DRC9: variants seen among roughly 807,000 people sequenced by gnomAD.
The protein encoded by DRC9 is dynein regulatory complex subunit 9, also known as dynein regulatory complex protein 9.
chr3:197,904,081 TAC>T, the DRC9 span, among the ~76,000 whole-genome samples: 75,446 of 109,590 alleles, frequency 0.69, 25,266 homozygotes, highest in East Asian at 0.79. Flanking sequence ...CATATATATA[TAC>T]ATACATATAT....
At chr3:197,894,165 T>C in the DRC9 span, among the ~76,000 whole-genome samples, 2 of 152,356 alleles carry the variant, frequency 1.3e-5, no homozygotes, top group South Asian at 4.1e-4. Flanking sequence ...ACTTAAATTC[T>C]CTAAGCTTCT....
chr3:197,932,420 G>A, the DRC9 span: 1 of 661,206 alleles, frequency 1.5e-6, no homozygotes, highest in South Asian at 1.8e-5. Context: ...GGATCACGAG[G>A]TCAGGAGATC....
chr3:197,922,148 A>G, the DRC9 span, among the ~76,000 whole-genome samples: 1 of 152,200 alleles, frequency 6.6e-6, no homozygotes, highest in Non-Finnish European at 1.5e-5. Flanking sequence ...CCCACTACGA[A>G]GCAGAATCTT....
At chr3:197,925,990 C>T in the DRC9 span, 33 of 1,067,432 alleles carry the variant, frequency 3.1e-5, no homozygotes, top group East Asian at 7.1e-5. Context: ...TGTGTTAGCT[C>T]GGTCACTTTT....
chr3:197,954,606 T>G, the DRC9 span, among the ~76,000 whole-genome samples: 2 of 152,132 alleles, frequency 1.3e-5, no homozygotes, highest in African/African-American at 4.8e-5. Flanking sequence ...GCCTCCAAAG[T>G]TCATGTGATT....
At chr3:197,925,404 T>G in the DRC9 span, among the ~76,000 whole-genome samples, 5 of 61,068 alleles carry the variant, frequency 8.2e-5, no homozygotes, top group South Asian at 6.0e-4. Context: ...AGGGTGGGGG[T>G]GTTTGTGGGG....
chr3:197,951,204 G>T, the DRC9 span: 1 of 1,614,028 alleles, frequency 6.2e-7, no homozygotes, highest in African/African-American at 1.3e-5. Flanking sequence ...GGGGTCTCCG[G>T]AACCAAAGGG....
chr3:197,952,873 C>T, the DRC9 span, among the ~76,000 whole-genome samples: 4 of 151,362 alleles, frequency 2.6e-5, no homozygotes, highest in African/African-American at 9.7e-5. Flanking sequence ...TGCTCTGTTG[C>T]CCAGGCTGGA....
At chr3:197,934,181 G>GTTTTTTTTTTT in the DRC9 span, among the ~76,000 whole-genome samples, 17 of 82,634 alleles carry the variant, frequency 2.1e-4, no homozygotes, top group African/African-American at 1.1e-3. Context: ...TTCATTCTGG[G>GTTTTTTTTTTT]TCTTTTTTTT....
chr3:197,940,275 C>T, the DRC9 span, among the ~76,000 whole-genome samples: 643 of 150,546 alleles, frequency 4.3e-3, 9 homozygotes, highest in African/African-American at 0.015. Flanking sequence ...GGATGACAGG[C>T]GTGAGCCACC....
At chr3:197,936,883 T>C in the DRC9 span, among the ~76,000 whole-genome samples, 1 of 150,908 alleles carries the variant, frequency 6.6e-6, no homozygotes, top group East Asian at 1.9e-4. Context: ...TATAAGCAGG[T>C]TGCCTTTCTG....
chr3:197,956,430 CCA>C, the DRC9 span: 1 of 152,716 alleles, frequency 6.5e-6, no homozygotes, highest in Non-Finnish European at 1.5e-5. Context: ...CCATATTACT[CCA>C]CTCATAAAAA....
the DRC9 span, among the ~76,000 whole-genome samples, chr3:197,951,987 G>C: frequency 1.3e-5 from 2 of 152,172 alleles, no homozygotes; most frequent in Admixed American, 6.5e-5. Context: ...CGTTACTTCT[G>C]AGGGTGGTGT....
chr3:197,957,080 A>C, the DRC9 span: 1 of 152,232 alleles, frequency 6.6e-6, no homozygotes, highest in East Asian at 1.9e-4. Context: ...AGAGGGTGAA[A>C]GAAAGGATTG....
chr3:197,931,856 A>G, the DRC9 span, among the ~76,000 whole-genome samples: 1 of 151,860 alleles, frequency 6.6e-6, no homozygotes. Flanking sequence ...TGATCTCCTG[A>G]CCTCGTGATC....
the DRC9 span, among the ~76,000 whole-genome samples, chr3:197,902,530 TAAAAA>T: frequency 1.3e-5 from 2 of 151,792 alleles, no homozygotes; most frequent in African/African-American, 4.8e-5. Flanking sequence ...TTGAAATAAT[TAAAAA>T]GAAGCAGAAA....
the DRC9 span, among the ~76,000 whole-genome samples, chr3:197,922,344 A>G: frequency 6.6e-6 from 1 of 152,194 alleles, no homozygotes; most frequent in Non-Finnish European, 1.5e-5. Flanking sequence ...AATGGGAGTT[A>G]ACTGGCAAAG....
At chr3:197,895,161 C>CA in the DRC9 span, among the ~76,000 whole-genome samples, 17 of 151,984 alleles carry the variant, frequency 1.1e-4, no homozygotes, top group Non-Finnish European at 4.4e-5. Flanking sequence ...AAAACAAAAA[C>CA]AAACAAACAA....
At chr3:197,903,281 T>G in the DRC9 span, among the ~76,000 whole-genome samples, 1 of 152,194 alleles carries the variant, frequency 6.6e-6, no homozygotes, top group East Asian at 1.9e-4. Flanking sequence ...TGGGCAAAGA[T>G]TTCTTGAGTA....
Sources: gnomAD v4.1 joint callset for allele counts (sites outside exome capture counted in the v4.1 genomes callset) on GRCh38, gnomAD v4.1.1 for gene constraint, MANE v1.5 for transcripts, NCBI Gene and HGNC (gene_info 2026-07-23, HGNC 2026-07-21) for gene names.